Variants in SLC22A8 observed in about 807,000 individuals in gnomAD.
SLC22A8 encodes the protein solute carrier family 22 member 8.
A neutral mutation model predicts 48.4 loss-of-function variants in SLC22A8; 40 were observed. The ratio of observed to expected loss-of-function variants is 0.83; its 90% CI spans 0.64 to 1.08. SLC22A8 has a LOEUF of 1.08. SLC22A8 is among the 50% of genes least tolerant of loss of function. SLC22A8 has a pLI of 0.00. For synonymous variants in SLC22A8, 268 were observed against 286.3 expected (o/e 0.94, Z 0.65); for missense variants, 606 against 699.0 (o/e 0.87, Z 1.50).
intron 5 of SLC22A8, among the ~76,000 whole-genome samples, chr11:62,998,242 G>A (rs904374259): frequency 3.3e-5 from 5 of 150,494 alleles, no homozygotes; most frequent in South Asian, 2.1e-4. Flanking sequence ...GTGAGCCACC[G>A]TGCCCGGCCA....
intron 8 of SLC22A8, 102 bp downstream of exon 8, chr11:62,994,440 C>T: frequency 1.2e-6 from 1 of 844,632 alleles, no homozygotes; most frequent in Non-Finnish European, 1.9e-6. Flanking sequence ...GGGACCTGCT[C>T]AAGGTAACAC....
chr11:63,003,106 A>G (rs2086517191), intron 2 of SLC22A8, among the ~76,000 whole-genome samples: 1 of 152,166 alleles, frequency 6.6e-6, no homozygotes, highest in South Asian at 2.1e-4. Context: ...CCCCATTAAC[A>G]TGGGTTTATG....
chr11:63,014,613 T>G lies in SLC22A8; in HGVS notation c.333+13A>C. 6.4e-7 allele frequency: 1 copy of G among 1,569,100 alleles called. No individual in the cohort carries two copies. The highest frequency in any genetic ancestry group is 8.7e-7 in the Non-Finnish European group (1 of 1,150,560). ...CGTGGGTAAGTGGAGGGAGAGGGTT[T>G]GCCCAGGCATACCTCTGTCACAATG... On this transcript the variant is annotated intron_variant, in intron 2 of 10. Transcript: ENST00000336232.
chr11:63,007,410 C>T (rs2086568512), intron 2 of SLC22A8, among the ~76,000 whole-genome samples: 1 of 152,184 alleles, frequency 6.6e-6, no homozygotes, highest in Non-Finnish European at 1.5e-5. Flanking sequence ...ACTGCAACCT[C>T]TGCCTCCCAG....
At chr11:62,993,903 G>A in intron 8 of SLC22A8, 25 bp from the exon 9 acceptor site, 1 of 1,448,470 alleles carries the variant, frequency 6.9e-7, no homozygotes, top group Non-Finnish European at 9.7e-7. Context: ...AAATGTGGTG[G>A]GCCTTGGAGT....
chr11:63,010,578 T>TG (rs1253393064), intron 2 of SLC22A8, among the ~76,000 whole-genome samples: 1 of 152,204 alleles, frequency 6.6e-6, no homozygotes, highest in Non-Finnish European at 1.5e-5. Context: ...CTGGTACCAG[T>TG]GTGGCTGGCT....
chr11:62,995,546 C>A, intron 7 of SLC22A8, 158 bp downstream of exon 7: 1 of 615,360 alleles, frequency 1.6e-6, no homozygotes, highest in Non-Finnish European at 2.9e-6. Flanking sequence ...AGGAATGCAG[C>A]AGATTTCTGG....
At chr11:62,998,234 G>A (rs1049546738) in intron 5 of SLC22A8, among the ~76,000 whole-genome samples, 7 of 151,346 alleles carry the variant, frequency 4.6e-5, no homozygotes, top group Non-Finnish European at 8.8e-5. Flanking sequence ...TTACAGGTGT[G>A]AGCCACCGTG....
At chr11:62,999,616 C>T in intron 4 of SLC22A8, 72 bp downstream of exon 4, 1 of 1,318,160 alleles carries the variant, frequency 7.6e-7, no homozygotes, top group Non-Finnish European at 1.0e-6. Context: ...TGAGCCAGAC[C>T]CAGACCCCAT....
At position 62,993,156 on chromosome 11, in the gene SLC22A8, CTA is replaced by C; in HGVS notation, c.*79_*80del. 1.1e-5 allele frequency: 11 copies of C among 1,021,748 alleles called. No homozygotes were observed. The highest frequency in any genetic ancestry group is 1.6e-5 in the Non-Finnish European group (11 of 689,556). The allele number at this position is 1,021,748 out of a possible 1,614,324, so 63.3% of individuals were successfully genotyped here. ...AAGGCTTCATCCTAGGAGGATGGAC[CTA>C]TATGGGGCCTCCCTATACTCCTAAG... On this transcript the variant is annotated 3_prime_UTR_variant, in exon 11 of 11. Transcript: ENST00000336232.
At chr11:63,015,353 C>T (rs1409018706) in intron 1 of SLC22A8, among the ~76,000 whole-genome samples, 1 of 152,192 alleles carries the variant, frequency 6.6e-6, no homozygotes, top group African/African-American at 2.4e-5. Context: ...TGTGTGTGCT[C>T]AGCTAGGCTG....
intron 2 of SLC22A8, among the ~76,000 whole-genome samples, chr11:63,003,170 C>T (rs1400929295): frequency 6.6e-6 from 1 of 152,222 alleles, no homozygotes; most frequent in Admixed American, 6.5e-5. Flanking sequence ...CTGCTAATCC[C>T]CAACATGCAC....
intron 2 of SLC22A8, among the ~76,000 whole-genome samples, chr11:63,007,021 G>A (rs913878041): frequency 6.6e-6 from 1 of 152,154 alleles, no homozygotes; most frequent in East Asian, 1.9e-4. Context: ...CATGCTTTCT[G>A]TACCAAGACC....
At position 63,014,243 on chromosome 11, in the gene SLC22A8, G is replaced by T. The variant is rs145943176; in HGVS notation, c.333+383C>A. Among the ~76,000 whole-genome samples, 18 of 152,224 alleles carry T rather than the reference G, an allele frequency of 1.2e-4. No individual in the cohort carries two copies. In the East Asian group the frequency reaches 3.5e-3, roughly 29 times the overall value. ...CACTCTCACACCCACCCCAGAGGTCGGTCATAGTGCAAGGTCACTTTGAAG... is the reference window on the plus strand; with the variant it reads ...CACTCTCACACCCACCCCAGAGGTCTGTCATAGTGCAAGGTCACTTTGAAG... On this transcript the variant is annotated intron_variant, in intron 2 of 10. Transcript: ENST00000336232.
intron 2 of SLC22A8, among the ~76,000 whole-genome samples, chr11:63,011,111 G>A (rs2086614794): frequency 6.6e-6 from 1 of 152,216 alleles, no homozygotes; most frequent in African/African-American, 2.4e-5. Flanking sequence ...GCAGCAGGGT[G>A]CACAGTCAGC....
At chr11:62,993,400 A>G (rs747430915) in intron 10 of SLC22A8, 24 bp downstream of exon 10, 1 of 1,613,588 alleles carries the variant, frequency 6.2e-7, no homozygotes, top group Non-Finnish European at 8.5e-7. Context: ...AGGAGCACTG[A>G]TGGGGCCAGA....
chr11:62,995,803 A>C lies in SLC22A8; in HGVS notation c.902T>G (p.Leu301Arg), dbSNP rs2086410471. The C allele has an allele frequency of 3.1e-6, 5 of 1,613,928 alleles. No homozygotes were observed. Among genetic ancestry groups the C allele is most frequent in the Non-Finnish European group, 4.2e-6 (5 of 1,179,816 alleles). The change falls in exon 7 of 11, where the codon CTG becomes CGG. Residue 301 changes from leucine (L) to arginine (R), a missense_variant. Leu to Arg is a moderately radical substitution (Grantham distance 102, BLOSUM62 -2). Transcript: ENST00000336232. ...RLSLEELKLN[L>R]QKEISLAKAK... ...CTTGGCCAAGGAGATCTCCTTCTGC[A>C]GGTTGAGTTTGAGCTCCTTCGGGCA... is the stretch of plus-strand genomic sequence containing the variant.
In SLC22A8 at chr11:62,999,843, C is replaced by T. The variant is rs766100726; in HGVS notation, c.438-1G>A. 6.5e-7 allele frequency: 1 copy of T among 1,528,996 alleles called. No homozygotes were observed. The highest frequency in any genetic ancestry group is 1.3e-5 in the South Asian group (1 of 78,996). 94.7% of individuals were successfully genotyped at this position (1,528,996 alleles called of 1,614,324 possible). A position where few individuals can be genotyped will look rare whatever the true frequency, so the allele number is the denominator to read the frequency against. ...GGTCAGGATGGGCCTGCGGCCAAAC[C>T]TGTAGCTCGAAGGAGAGGAGGGGCC... On this transcript the variant is annotated splice_acceptor_variant, in intron 3 of 10. Transcript: ENST00000336232. LOFTEE classifies it high-confidence loss of function.
intron 8 of SLC22A8, 169 bp from the exon 9 acceptor site, chr11:62,994,047 C>T: frequency 1.6e-6 from 1 of 612,996 alleles, no homozygotes; most frequent in Admixed American, 2.8e-5. Context: ...TTTGTGTTTT[C>T]CCCTGCCTCT....
Sources: gnomAD v4.1 joint callset for allele counts (sites outside exome capture counted in the v4.1 genomes callset) on GRCh38, gnomAD v4.1.1 for gene constraint, MANE v1.5 for transcripts, NCBI Gene and HGNC (gene_info 2026-07-23, HGNC 2026-07-21) for gene names.